RTN4IP1: variants seen among roughly 807,000 people sequenced by gnomAD.
RTN4IP1 encodes NAD(P)H oxidoreductase RTN4IP1, mitochondrial.
In RTN4IP1, 32 loss-of-function variants were observed where a neutral mutation model predicts 46.6. The observed-to-expected ratio is 0.69, with a 90% CI of 0.52 to 0.92. The LOEUF is 0.92. Among genes scored for constraint, RTN4IP1 ranks in the 40% least tolerant of loss-of-function variants. The pLI is 0.00. For synonymous variants in RTN4IP1, 167 were observed against 161.8 expected (o/e 1.03, Z -0.24); for missense variants, 424 against 485.8 (o/e 0.87, Z 1.20).
chr6:106,592,427 C>T (rs762244238), intron 5 of RTN4IP1, 127 bp from the exon 6 acceptor site: 127 of 955,800 alleles, frequency 1.3e-4, no homozygotes, highest in Non-Finnish European at 1.8e-4. Context: ...ACTTTAAGTA[C>T]GTCATCTTAA....
intron 4 of RTN4IP1, among the ~76,000 whole-genome samples, chr6:106,617,834 CAT>C (rs1776391689): frequency 6.6e-6 from 1 of 152,226 alleles, no homozygotes; most frequent in Non-Finnish European, 1.5e-5. Context: ...GCATAGAAAA[CAT>C]AATGTTTTTA....
chr6:106,600,631 G>T (rs1775921812), intron 5 of RTN4IP1, among the ~76,000 whole-genome samples: 1 of 151,746 alleles, frequency 6.6e-6, no homozygotes, highest in Non-Finnish European at 1.5e-5. Flanking sequence ...TGTCTCTGTG[G>T]ATTTGCCTAT....
chr6:106,618,966 C>T (rs899455762), intron 4 of RTN4IP1, among the ~76,000 whole-genome samples: 2 of 152,108 alleles, frequency 1.3e-5, no homozygotes, highest in African/African-American at 2.4e-5. Flanking sequence ...AAAGTCCATT[C>T]CATCCACACA....
intron 6 of RTN4IP1, among the ~76,000 whole-genome samples, 194 bp from the exon 7 acceptor site, chr6:106,588,056 G>A (rs1460623945): frequency 3.3e-5 from 5 of 152,180 alleles, no homozygotes; most frequent in African/African-American, 1.2e-4. Flanking sequence ...CTGGATCTAT[G>A]ACTTTTCTCC....
intron 4 of RTN4IP1, among the ~76,000 whole-genome samples, chr6:106,612,694 C>A (rs1369645492): frequency 6.6e-6 from 1 of 152,246 alleles, no homozygotes; most frequent in Non-Finnish European, 1.5e-5. Flanking sequence ...ACCTGCTCTA[C>A]CCTAACTCAT....
intron 2 of RTN4IP1, among the ~76,000 whole-genome samples, chr6:106,621,916 A>G (rs533258096): frequency 9.2e-5 from 14 of 152,342 alleles, no homozygotes; most frequent in African/African-American, 3.1e-4. Flanking sequence ...TATGATTATG[A>G]ACTATCATTT....
intron 4 of RTN4IP1, among the ~76,000 whole-genome samples, chr6:106,609,774 A>G (rs1395215776): frequency 2.6e-5 from 4 of 152,254 alleles, no homozygotes; most frequent in African/African-American, 9.6e-5. Context: ...TCTCTTCCCT[A>G]TAACTCTTGA....
intron 4 of RTN4IP1, among the ~76,000 whole-genome samples, chr6:106,614,229 A>T (rs886239861): frequency 6.6e-6 from 1 of 152,342 alleles, no homozygotes; most frequent in Middle Eastern, 3.4e-3. Flanking sequence ...CAACAATCTT[A>T]TATTTTACAT....
intron 3 of RTN4IP1, among the ~76,000 whole-genome samples, 180 bp from the exon 4 acceptor site, chr6:106,619,506 C>G (rs1776430597): frequency 6.6e-6 from 1 of 152,014 alleles, no homozygotes; most frequent in Non-Finnish European, 1.5e-5. Context: ...AAAACCAACC[C>G]TTCTTCTTCC....
At chr6:106,572,524 C>G in intron 8 of RTN4IP1, 1 of 161,242 alleles carries the variant, frequency 6.2e-6, no homozygotes. Context: ...GCCCAGAAAT[C>G]CTTCTCTGAA....
chr6:106,612,189 C>T (rs1015366806), intron 4 of RTN4IP1, among the ~76,000 whole-genome samples: 5 of 151,796 alleles, frequency 3.3e-5, no homozygotes, highest in Non-Finnish European at 5.9e-5. Context: ...GTGTTCGAGA[C>T]CAGCCTGGCC....
At chr6:106,606,274 C>A (rs892560490) in intron 4 of RTN4IP1, among the ~76,000 whole-genome samples, 2 of 151,740 alleles carry the variant, frequency 1.3e-5, no homozygotes, top group Non-Finnish European at 2.9e-5. Context: ...CAAAAATTAG[C>A]TGGGCACAGT....
upstream of RTN4IP1, chr6:106,629,816 C>T (rs1776777154): frequency 1.5e-6 from 2 of 1,329,986 alleles, no homozygotes. Context: ...TCGCTGCTTC[C>T]TCTAGAACTG....
chr6:106,624,967 A>T (rs1776600504), intron 1 of RTN4IP1, among the ~76,000 whole-genome samples: 1 of 150,938 alleles, frequency 6.6e-6, no homozygotes, highest in South Asian at 2.1e-4. Flanking sequence ...AGAAAAAGAA[A>T]AAGAAAAAGA....
chr6:106,625,733 G>A (rs1382940265), intron 1 of RTN4IP1, among the ~76,000 whole-genome samples: 3 of 142,402 alleles, frequency 2.1e-5, no homozygotes, highest in Non-Finnish European at 4.5e-5. Context: ...GCGTGATCTC[G>A]GCTCACTGCA....
At chr6:106,605,252 AG>A (rs748563003) in intron 4 of RTN4IP1, among the ~76,000 whole-genome samples, 6 of 147,430 alleles carry the variant, frequency 4.1e-5, no homozygotes, top group Non-Finnish European at 7.5e-5. Context: ...TGGCCAACAT[AG>A]TGAAACCCCG....
rs1775040078 is a variant in RTN4IP1, at chr6:106,570,892, A to T, written c.*1104T>A. 2 of 152,256 alleles carry T rather than the reference A, an allele frequency of 1.3e-5. No homozygotes were observed. The allele number at this position is 152,256 out of a possible 1,614,324, so 9.4% of individuals were successfully genotyped here. On this transcript the variant is annotated 3_prime_UTR_variant, in exon 9 of 9. Coordinates refer to ENST00000369063, the MANE Select transcript of RTN4IP1 (RefSeq NM_032730.5). ...AGCAGAAATCTCAAAACAGGTCTAC[A>T]TCAAAAGTTACAAGCAAGCATATCA...
At chr6:106,578,579 C>G (rs1030980276) in intron 8 of RTN4IP1, among the ~76,000 whole-genome samples, 1 of 152,184 alleles carries the variant, frequency 6.6e-6, no homozygotes, top group African/African-American at 2.4e-5. Flanking sequence ...CAACCCAGTA[C>G]GCTTAAGGGG....
chr6:106,598,708 C>T (rs1775868303), intron 5 of RTN4IP1, among the ~76,000 whole-genome samples: 1 of 151,610 alleles, frequency 6.6e-6, no homozygotes. Flanking sequence ...TAATTAGATC[C>T]CATTTGTCAA....
Sources: gnomAD v4.1 joint callset for allele counts (sites outside exome capture counted in the v4.1 genomes callset) on GRCh38, gnomAD v4.1.1 for gene constraint, MANE v1.5 for transcripts, NCBI Gene and HGNC (gene_info 2026-07-23, HGNC 2026-07-21) for gene names.